Variants in TPH2 observed in about 807,000 individuals in gnomAD.
TPH2 encodes tryptophan 5-hydroxylase 2.
A neutral mutation model predicts 59.1 loss-of-function variants in TPH2; 27 were observed. The observed-to-expected ratio is 0.46, with a 90% CI of 0.34 to 0.63. TPH2 has a LOEUF of 0.63. Among genes scored for constraint, TPH2 ranks in the 30% least tolerant of loss-of-function variants. The pLI is 0.01. For missense variants in TPH2, 523 were observed against 588.3 expected, an observed-to-expected ratio of 0.89 and a Z score of 1.15; for synonymous variants, 220 against 210.5, an observed-to-expected ratio of 1.05 and a Z score of -0.39.
chr12:72,009,008 C>CA (rs1365748520), intron 8 of TPH2, among the ~76,000 whole-genome samples: 1 of 152,148 alleles, frequency 6.6e-6, no homozygotes, highest in Non-Finnish European at 1.5e-5. Flanking sequence ...CCTATATTTA[C>CA]ACATCAGAGG....
In TPH2 at chr12:71,939,067, G is replaced by A. The variant is rs1468665210; in HGVS notation, c.81G>A (p.Glu27=). 1.9e-6 allele frequency: 3 copies of A among 1,613,964 alleles called. No individual in the cohort carries two copies. Among genetic ancestry groups the A allele is most frequent in the African/African-American group, 1.3e-5 (1 of 74,938 alleles). Residue 27 remains glutamate (E), a synonymous_variant, in exon 1 of 11, where the codon GAG becomes GAA. Coordinates refer to ENST00000333850, the MANE Select transcript of TPH2 (RefSeq NM_173353.4). Reference sequence around the variant, plus strand: ...CCCTGGATTCAGCAGTGCCCGAAGAGCATCAGCTACTTGGCAGCTCAACAG... The same window carrying A: ...CCCTGGATTCAGCAGTGCCCGAAGAACATCAGCTACTTGGCAGCTCAACAG... ...GFSLDSAVPE[E]HQLLGSSTLN...
At chr12:71,942,187 G>A (rs1183702252) in intron 2 of TPH2, among the ~76,000 whole-genome samples, 1 of 152,172 alleles carries the variant, frequency 6.6e-6, no homozygotes, top group African/African-American at 2.4e-5. Flanking sequence ...CATTGTTTAT[G>A]TGTCTTAATG....
At chr12:72,006,704 G>A (rs1365788957) in intron 8 of TPH2, among the ~76,000 whole-genome samples, 1 of 152,060 alleles carries the variant, frequency 6.6e-6, no homozygotes, top group African/African-American at 2.4e-5. Flanking sequence ...CAAAGTCAAG[G>A]TGTCGCTGGA....
At chr12:72,025,396 C>A (rs759930415) in intron 9 of TPH2, among the ~76,000 whole-genome samples, 3 of 152,134 alleles carry the variant, frequency 2.0e-5, no homozygotes, top group Non-Finnish European at 2.9e-5. Context: ...ACATTCTATA[C>A]TTTGTGCTAT....
At chr12:71,983,069 A>AAAAAAAAT (rs993941785) in intron 7 of TPH2, among the ~76,000 whole-genome samples, 1 of 3,738 alleles carries the variant, frequency 2.7e-4, no homozygotes, top group Non-Finnish European at 6.7e-4. Context: ...CTATAAAAAT[A>AAAAAAAAT]AAAAAAAAAA....
At chr12:72,002,926 A>G (rs1195222164) in intron 8 of TPH2, among the ~76,000 whole-genome samples, 1 of 152,190 alleles carries the variant, frequency 6.6e-6, no homozygotes, top group African/African-American at 2.4e-5. Context: ...CAGGATAACC[A>G]GTACTTTCTC....
intron 9 of TPH2, among the ~76,000 whole-genome samples, chr12:72,030,540 C>T (rs768123766): frequency 1.1e-4 from 16 of 152,110 alleles, no homozygotes; most frequent in Non-Finnish European, 1.3e-4. Context: ...GTGAGCTGAA[C>T]GGAGCTAATG....
At chr12:71,983,060 T>C (rs1872329005) in intron 7 of TPH2, among the ~76,000 whole-genome samples, 2 of 59,808 alleles carry the variant, frequency 3.3e-5, no homozygotes, top group South Asian at 1.9e-3. Context: ...TCCCTGAATC[T>C]ATAAAAATAA....
chr12:72,014,587 C>T (rs1250906877), intron 8 of TPH2, among the ~76,000 whole-genome samples: 3 of 151,958 alleles, frequency 2.0e-5, no homozygotes, highest in Admixed American at 1.3e-4. Flanking sequence ...GATGGGGTTT[C>T]GCCATGTTGG....
At position 72,031,864 on chromosome 12, in the gene TPH2, A is replaced by G. The variant is rs1873733095; in HGVS notation, c.*169A>G. On this transcript the variant is annotated 3_prime_UTR_variant, in exon 11 of 11. Coordinates refer to ENST00000333850, the MANE Select transcript of TPH2 (RefSeq NM_173353.4). The stretch of plus-strand genomic sequence containing the variant: ...ACTGTGTTAGTATATAAAGCACCAT[A>G]AGAAATCCAATGGCAGATAACCACT... The G allele has an allele frequency of 4.0e-6, 3 of 746,384 alleles. No individual in the cohort carries two copies. The highest frequency in any genetic ancestry group is 4.6e-6 in the Non-Finnish European group (2 of 439,548). The allele number at this position is 746,384 out of a possible 1,614,324, so 46.2% of individuals were successfully genotyped here.
intron 5 of TPH2, chr12:71,961,454 G>C (rs755353989): frequency 9.2e-7 from 1 of 1,088,036 alleles, no homozygotes; most frequent in African/African-American, 1.6e-5. Context: ...GAAAAAGATA[G>C]GGCCTAGTAG....
At chr12:71,981,368 T>C (rs1872272166) in intron 7 of TPH2, among the ~76,000 whole-genome samples, 1 of 152,176 alleles carries the variant, frequency 6.6e-6, no homozygotes, top group South Asian at 2.1e-4. Flanking sequence ...CTATCCAAGG[T>C]TCTTAGGCAT....
intron 5 of TPH2, chr12:71,961,527 T>G: frequency 1.5e-6 from 2 of 1,351,590 alleles, no homozygotes; most frequent in Non-Finnish European, 2.0e-6. Context: ...CTGTGACTCT[T>G]CATTCTTTGT....
chr12:71,966,998 G>A (rs747733458), intron 5 of TPH2, among the ~76,000 whole-genome samples: 2 of 152,116 alleles, frequency 1.3e-5, no homozygotes, highest in African/African-American at 2.4e-5. Flanking sequence ...CTGTTGGACC[G>A]CTGGAGGAGA....
At chr12:71,982,568 A>G (rs1393518772) in intron 7 of TPH2, among the ~76,000 whole-genome samples, 1 of 152,194 alleles carries the variant, frequency 6.6e-6, no homozygotes, top group Non-Finnish European at 1.5e-5. Flanking sequence ...ATTTGAATCT[A>G]TGGGTACTAT....
intron 8 of TPH2, among the ~76,000 whole-genome samples, chr12:72,022,186 C>G (rs1445898739): frequency 6.6e-6 from 1 of 152,116 alleles, no homozygotes; most frequent in Non-Finnish European, 1.5e-5. Flanking sequence ...GCGTAAGACT[C>G]TTAGTAGTTA....
At chr12:72,014,204 C>A (rs1192483541) in intron 8 of TPH2, among the ~76,000 whole-genome samples, 1 of 151,524 alleles carries the variant, frequency 6.6e-6, no homozygotes, top group Non-Finnish European at 1.5e-5. Flanking sequence ...CAGGATTGCA[C>A]AGAACCATGT....
chr12:71,948,422 A>G (rs2139182891), intron 4 of TPH2, among the ~76,000 whole-genome samples: 1 of 152,204 alleles, frequency 6.6e-6, no homozygotes, highest in Middle Eastern at 3.4e-3. Context: ...TTCCTGAAAG[A>G]AAGGTTGTTG....
Position 72,031,775 on chromosome 12 carries a change from C to A in TPH2, c.*80C>A. On this transcript the variant is annotated 3_prime_UTR_variant, in exon 11 of 11. Coordinates refer to ENST00000333850, the MANE Select transcript of TPH2 (RefSeq NM_173353.4). ...AGTCAATGTCATATAACGCAAATAA[C>A]CTTCTGTGTCATGGCTTGGCTAATA... is the stretch of plus-strand genomic sequence containing the variant. 2.0e-6 allele frequency: 3 copies of A among 1,535,562 alleles called. No individual in the cohort carries two copies. The highest frequency in any genetic ancestry group is 2.7e-6 in the Non-Finnish European group (3 of 1,111,596).
Sources: allele counts gnomAD v4.1 joint callset (sites outside exome capture counted in the v4.1 genomes callset), GRCh38; gene constraint gnomAD v4.1.1; transcripts MANE v1.5; gene names NCBI Gene and HGNC (gene_info 2026-07-23, HGNC 2026-07-21).